The following GALNTL6 variants were observed in gnomAD, a reference collection of about 807,000 sequenced individuals.
The protein encoded by GALNTL6 is polypeptide N-acetylgalactosaminyltransferase-like 6.
In GALNTL6, 46 loss-of-function variants were observed where a neutral mutation model predicts 73.7. That is an observed-to-expected ratio of 0.62 (90% confidence interval 0.49 to 0.80). The LOEUF is 0.80. GALNTL6 is among the 30% of genes least tolerant of loss of function. The pLI is 0.00. For synonymous variants in GALNTL6, 259 were observed against 263.7 expected (o/e 0.98, Z 0.17); for missense variants, 604 against 755.0 (o/e 0.80, Z 2.34).
intron 3 of GALNTL6, among the ~76,000 whole-genome samples, chr4:172,232,539 G>T (rs184094017): frequency 6.6e-6 from 1 of 151,626 alleles, no homozygotes; most frequent in Non-Finnish European, 1.5e-5. Flanking sequence ...ACAATATTAA[G>T]GTACATATTT....
At chr4:172,357,729 T>C (rs1341135497) in intron 5 of GALNTL6, among the ~76,000 whole-genome samples, 1 of 151,356 alleles carries the variant, frequency 6.6e-6, no homozygotes, top group Non-Finnish European at 1.5e-5. Flanking sequence ...CAAAAAAACC[T>C]GACTGCAATA....
chr4:172,474,142 C>G (rs1168041914), intron 5 of GALNTL6, among the ~76,000 whole-genome samples: 1 of 152,144 alleles, frequency 6.6e-6, no homozygotes, highest in Non-Finnish European at 1.5e-5. Flanking sequence ...CCCTCAGGCT[C>G]TTTCCTAAGC....
intron 3 of GALNTL6, among the ~76,000 whole-genome samples, chr4:172,293,479 T>C (rs1396472078): frequency 6.6e-6 from 1 of 152,120 alleles, no homozygotes; most frequent in African/African-American, 2.4e-5. Flanking sequence ...ATATTATTAT[T>C]ATTAAGTTTA....
chr4:172,230,579 CAA>C (rs34311240), intron 3 of GALNTL6, among the ~76,000 whole-genome samples: 3 of 131,528 alleles, frequency 2.3e-5, no homozygotes, highest in Admixed American at 7.7e-5. Flanking sequence ...GACTCCGTTT[CAA>C]AAAAAAAAAA....
At chr4:171,916,344 A>G (rs1380892996) in intron 2 of GALNTL6, among the ~76,000 whole-genome samples, 1 of 152,146 alleles carries the variant, frequency 6.6e-6, no homozygotes, top group African/African-American at 2.4e-5. Flanking sequence ...TGTTATAATC[A>G]CAATATATGT....
intron 3 of GALNTL6, among the ~76,000 whole-genome samples, chr4:172,308,937 A>C (rs996983680): frequency 2.0e-5 from 3 of 152,200 alleles, no homozygotes; most frequent in Admixed American, 2.0e-4. Flanking sequence ...TTAACACAAT[A>C]CTTTGTATAT....
intron 2 of GALNTL6, among the ~76,000 whole-genome samples, chr4:171,950,507 G>C (rs960252364): frequency 5.1e-5 from 7 of 138,326 alleles, no homozygotes; most frequent in Non-Finnish European, 7.7e-5. Context: ...TTGAGATGAA[G>C]TCTTGCTCTG....
At position 172,499,461 on chromosome 4, in the gene GALNTL6, A is replaced by T. The variant is rs562447568; in HGVS notation, c.553+150772A>T. Among the ~76,000 whole-genome samples, 5 of 152,370 alleles carry T rather than the reference A, an allele frequency of 3.3e-5. No homozygotes were observed. The South Asian group carries it at 8.3e-4, about 25-fold the overall frequency. On this transcript the variant is annotated intron_variant, in intron 5 of 12. Coordinates refer to ENST00000506823, the MANE Select transcript of GALNTL6 (RefSeq NM_001034845.3). ...TGTCGGAAATAAATGTTTGTTACTT[A>T]AGCTACACAGTCTATGGCATTTTGT...
At chr4:172,131,406 A>AATATATATATATATATATATAT (rs772791571) in intron 2 of GALNTL6, among the ~76,000 whole-genome samples, 55 of 137,426 alleles carry the variant, frequency 4.0e-4, no homozygotes, top group African/African-American at 1.4e-3. Context: ...ATGCCTTTAA[A>AATATATATATATATATATATAT]ATATATATAT....
chr4:172,577,395 CA>C (rs1196977307), intron 5 of GALNTL6, among the ~76,000 whole-genome samples: 2 of 152,108 alleles, frequency 1.3e-5, no homozygotes, highest in African/African-American at 4.8e-5. Flanking sequence ...TCCAGAGTAC[CA>C]ACCTGTTTTA....
intron 5 of GALNTL6, among the ~76,000 whole-genome samples, chr4:172,565,664 G>A (rs1736527811): frequency 6.6e-6 from 1 of 152,154 alleles, no homozygotes; most frequent in Admixed American, 6.5e-5. Context: ...TTTCAGTAGA[G>A]TATGAGAAAG....
chr4:172,441,451 C>T (rs959753008), intron 5 of GALNTL6, among the ~76,000 whole-genome samples: 8 of 152,122 alleles, frequency 5.3e-5, no homozygotes, highest in Admixed American at 1.3e-4. Flanking sequence ...TAAGCATGCA[C>T]AGAGCAGTGA....
At chr4:172,636,094 A>G (rs1033774666) in intron 5 of GALNTL6, among the ~76,000 whole-genome samples, 3 of 152,130 alleles carry the variant, frequency 2.0e-5, no homozygotes, top group Admixed American at 6.6e-5. Context: ...ATCATATGTA[A>G]TCTCATCACC....
In GALNTL6 at chr4:172,004,020, T is replaced by A. The variant is rs146876918; in HGVS notation, c.138+189302T>A. ...TATGAATCAAGTTTTCATAAATCGT[T>A]ATCACTTGTGGAACTCTTTCCAGAG... On this transcript the variant is annotated intron_variant, in intron 2 of 12. Transcript: ENST00000506823. Among the ~76,000 whole-genome samples, 765 of 152,270 alleles carry A rather than the reference T, an allele frequency of 5.0e-3. 7 individuals are homozygous for A. The highest frequency in any genetic ancestry group is 0.037 in the East Asian group (192 of 5,186).
intron 3 of GALNTL6, among the ~76,000 whole-genome samples, chr4:172,261,049 T>A (rs1281494638): frequency 6.6e-6 from 1 of 151,416 alleles, no homozygotes; most frequent in Admixed American, 6.6e-5. Context: ...ATCAAGGATA[T>A]TAGTCTGTAG....
intron 12 of GALNTL6, among the ~76,000 whole-genome samples, chr4:173,026,936 T>C (rs1305001658): frequency 6.6e-6 from 1 of 152,198 alleles, no homozygotes; most frequent in African/African-American, 2.4e-5. Context: ...TTTTATTGCT[T>C]AATGTTCTAC....
chr4:172,613,975 T>C lies in GALNTL6; in HGVS notation c.554-195386T>C, dbSNP rs1738623323. Among the ~76,000 whole-genome samples, 4 of 152,164 alleles carry C rather than the reference T, an allele frequency of 2.6e-5. No individual in the cohort carries two copies. The South Asian group carries it at 8.3e-4, about 32-fold the overall frequency. On this transcript the variant is annotated intron_variant, in intron 5 of 12. Coordinates refer to ENST00000506823, the MANE Select transcript of GALNTL6 (RefSeq NM_001034845.3). ...TCCAAGTATTACCCTTTGATTAGATTTGAACTAAAAATGAATTATATTCAT... is the reference window on the plus strand; with the variant it reads ...TCCAAGTATTACCCTTTGATTAGATCTGAACTAAAAATGAATTATATTCAT...
intron 2 of GALNTL6, among the ~76,000 whole-genome samples, chr4:172,221,300 A>G (rs2110948537): frequency 6.6e-6 from 1 of 151,916 alleles, no homozygotes; most frequent in East Asian, 1.9e-4. Context: ...GATTCTGGAG[A>G]ACAACCGAGA....
Position 173,009,294 on chromosome 4 carries a change from G to T in GALNTL6, c.1488G>T (p.Gln496His), listed in dbSNP as rs1165608343. The T allele has an allele frequency of 1.9e-6, 3 of 1,594,106 alleles. No individual in the cohort carries two copies. The Middle Eastern group carries it at 5.0e-4, about 266-fold the overall frequency. Residue 496 changes from glutamine (Q) to histidine (H), a missense_variant and splice_region_variant, in exon 11 of 13, where the codon CAG (glutamine) becomes CAT (histidine). Gln to His is a conservative substitution (Grantham distance 24). This residue lies in a region of GALNTL6 where 261 missense variants were observed against 296.5 expected (regional missense o/e 0.88). Transcript: ENST00000506823. The stretch of plus-strand genomic sequence containing the variant: ...CTGAAAGAACATGGTCTCATGAACA[G>T]GTGAGTCACCTCCCAGAAGCCAGGG... ...DGSERTWSHE[Q>H]LFTFGWREDI...
Sources: allele counts gnomAD v4.1 joint callset (sites outside exome capture counted in the v4.1 genomes callset), GRCh38; gene constraint gnomAD v4.1.1; regional missense constraint gnomAD v4.1.1; transcripts MANE v1.5; gene names NCBI Gene and HGNC (gene_info 2026-07-23, HGNC 2026-07-21).